TMEM244: variants seen among roughly 807,000 people sequenced by gnomAD.
TMEM244 encodes putative transmembrane protein 244.
Under a neutral mutation model 15.8 loss-of-function variants are expected in TMEM244, and 13 were observed. The observed-to-expected ratio is 0.82, with a 90% CI of 0.53 to 1.30. TMEM244 has a LOEUF of 1.30. TMEM244 is among the 50% of genes most tolerant of loss of function. The probability of loss-of-function intolerance (pLI) is 0.00; values close to 1 mark genes in which losing one functional copy is unlikely to be tolerated. For missense variants in TMEM244, 161 were observed against 144.9 expected, an observed-to-expected ratio of 1.11 and a Z score of -0.57; for synonymous variants, 45 against 48.7, an observed-to-expected ratio of 0.92 and a Z score of 0.32.
intron 2 of TMEM244, among the ~76,000 whole-genome samples, chr6:129,844,443 C>T (rs1776535548): frequency 1.3e-5 from 2 of 152,182 alleles, no homozygotes; most frequent in Admixed American, 6.5e-5. Context: ...GTCACCTAAC[C>T]TCTCTGGGCT....
intron 2 of TMEM244, among the ~76,000 whole-genome samples, chr6:129,844,033 G>A (rs1776528717): frequency 6.6e-6 from 1 of 152,050 alleles, no homozygotes; most frequent in South Asian, 2.1e-4. Flanking sequence ...GTAGCAGTTA[G>A]AATAAATTAA....
intron 3 of TMEM244, among the ~76,000 whole-genome samples, chr6:129,836,360 A>G (rs1443961659): frequency 2.0e-5 from 3 of 152,192 alleles, no homozygotes; most frequent in Admixed American, 2.0e-4. Context: ...ACAAACAGAA[A>G]AAAATAGCAA....
At chr6:129,845,003 C>A (rs760142929) in intron 2 of TMEM244, among the ~76,000 whole-genome samples, 1 of 152,138 alleles carries the variant, frequency 6.6e-6, no homozygotes, top group Non-Finnish European at 1.5e-5. Context: ...CAGCCAAAAT[C>A]TGTAGAGACA....
At chr6:129,840,872 A>T (rs1440391906) in intron 3 of TMEM244, among the ~76,000 whole-genome samples, 2 of 152,204 alleles carry the variant, frequency 1.3e-5, no homozygotes, top group African/African-American at 4.8e-5. Flanking sequence ...AACCACAATG[A>T]GATACCATCT....
intron 4 of TMEM244, among the ~76,000 whole-genome samples, chr6:129,832,708 G>A (rs1255467539): frequency 1.3e-5 from 2 of 152,064 alleles, no homozygotes; most frequent in Non-Finnish European, 1.5e-5. Flanking sequence ...CCATTTTGTA[G>A]AGAAGGAAAC....
chr6:129,840,109 C>A (rs1351277174), intron 3 of TMEM244, among the ~76,000 whole-genome samples: 1 of 152,180 alleles, frequency 6.6e-6, no homozygotes, highest in Non-Finnish European at 1.5e-5. Context: ...CAAAAAAGAG[C>A]CCACATAGCC....
intron 2 of TMEM244, among the ~76,000 whole-genome samples, chr6:129,845,416 C>T (rs1231813036): frequency 6.6e-6 from 1 of 152,182 alleles, no homozygotes; most frequent in Admixed American, 6.5e-5. Flanking sequence ...CTAAGTGATT[C>T]TATCCACTTC....
rs969617443 is a variant in TMEM244, at chr6:129,861,199, T to C, written c.-11A>G. 1.9e-6 allele frequency: 3 copies of C among 1,613,548 alleles called. No individual in the cohort carries two copies. The highest frequency in any genetic ancestry group is 1.1e-5 in the South Asian group (1 of 91,072). On this transcript the variant is annotated 5_prime_UTR_variant, in exon 1 of 5. Transcript: ENST00000368143. Reference sequence around the variant, plus strand: ...GACCTGGAGAGCCATGTACACATCCTACGTCAAGGAGGTGATGAAAGCCCC... The same window carrying C: ...GACCTGGAGAGCCATGTACACATCCCACGTCAAGGAGGTGATGAAAGCCCC...
At position 129,850,976 on chromosome 6, in the gene TMEM244, T is replaced by C. The variant is rs1330999913; in HGVS notation, c.34-5124A>G. Among the ~76,000 whole-genome samples, 5 of 152,194 alleles carry C rather than the reference T, an allele frequency of 3.3e-5. No individual in the cohort carries two copies. In the East Asian group the frequency reaches 7.7e-4, roughly 23 times the overall value. ...ATAGTCTAACTATATTGACTCTTTATTGAAGGATTCCTATGTGACCATCAC... is the reference window on the plus strand; with the variant it reads ...ATAGTCTAACTATATTGACTCTTTACTGAAGGATTCCTATGTGACCATCAC... On this transcript the variant is annotated intron_variant, in intron 1 of 4. Coordinates refer to ENST00000368143, the MANE Select transcript of TMEM244 (RefSeq NM_001010876.2).
Position 129,845,821 on chromosome 6 carries a change from A to G in TMEM244, c.65T>C (p.Ile22Thr), listed in dbSNP as rs961016291. 3.7e-6 allele frequency: 6 copies of G among 1,613,420 alleles called. No homozygotes were observed. The highest frequency in any genetic ancestry group is 8.5e-7 in the Non-Finnish European group (1 of 1,179,788). The change falls in exon 2 of 5, where the codon ATT becomes ACT. Residue 22 changes from isoleucine to threonine, a missense_variant. Ile to Thr is a moderately conservative substitution (Grantham distance 89). Coordinates refer to ENST00000368143, the MANE Select transcript of TMEM244 (RefSeq NM_001010876.2). ...VVLQKFLLCVILFYTVYYVSL... is the reference protein window; with the variant it reads ...VVLQKFLLCVTLFYTVYYVSL... ...CACATAGTACACAGTGTAGAAAAGA[A>G]TGACACATAGAAGAAACTTCTGCAA... is the stretch of plus-strand genomic sequence containing the variant.
intron 3 of TMEM244, among the ~76,000 whole-genome samples, chr6:129,842,665 A>G (rs1776508676): frequency 6.6e-6 from 1 of 152,102 alleles, no homozygotes; most frequent in Non-Finnish European, 1.5e-5. Context: ...ACAAAATATT[A>G]AGAGTAATTA....
At chr6:129,847,133 G>T (rs1382988460) in intron 1 of TMEM244, among the ~76,000 whole-genome samples, 1 of 152,028 alleles carries the variant, frequency 6.6e-6, no homozygotes, top group South Asian at 2.1e-4. Flanking sequence ...ATAGAAAAAT[G>T]GACAAAGTAT....
At chr6:129,861,107 G>A in intron 1 of TMEM244, 49 bp downstream of exon 1, 1 of 1,605,882 alleles carries the variant, frequency 6.2e-7, no homozygotes, top group Non-Finnish European at 8.5e-7. Flanking sequence ...ATTTACACCA[G>A]TGCTAGGCAG....
rs1776358476 is a variant in TMEM244 at position 129,833,450 on chromosome 6, T to G, written c.319+10A>C. The G allele has an allele frequency of 7.5e-6, 12 of 1,605,862 alleles. No homozygotes were observed. The highest frequency in any genetic ancestry group is 1.0e-5 in the Non-Finnish European group (12 of 1,177,568). On this transcript the variant is annotated intron_variant, in intron 4 of 4. Transcript: ENST00000368143. ...CATTTTCCTTGTTTCTGTTATTTTA[T>G]TCTGCTTACCAGTTGAAGTGATGGC...
rs555351834 is a variant in TMEM244, at chr6:129,858,911, A to G, written c.33+2245T>C. Among the ~76,000 whole-genome samples the G allele has an allele frequency of 2.6e-5, 4 of 152,140 alleles. No individual in the cohort carries two copies. The South Asian group carries it at 8.3e-4, about 32-fold the overall frequency. On this transcript the variant is annotated intron_variant, in intron 1 of 4. Coordinates refer to ENST00000368143, the MANE Select transcript of TMEM244 (RefSeq NM_001010876.2). ...CGGCTTCAAGGAATTCTCTTGCCTC[A>G]GCCTCCCTGAGTAGCTGGGACTACA...
intron 1 of TMEM244, among the ~76,000 whole-genome samples, chr6:129,853,404 C>T (rs146577516): frequency 2.6e-5 from 4 of 152,202 alleles, no homozygotes; most frequent in East Asian, 1.9e-4. Flanking sequence ...TCTCTTTCTC[C>T]GTATAATATT....
intron 1 of TMEM244, among the ~76,000 whole-genome samples, chr6:129,857,963 G>A (rs72993270): frequency 0.062 from 9,365 of 151,838 alleles, 400 homozygotes; most frequent in Non-Finnish European, 0.09. Context: ...CAGTTTTAGC[G>A]TCTATGAAGA....
Position 129,843,416 on chromosome 6 carries a change from T to C in TMEM244, c.193+114A>G, listed in dbSNP as rs774201453. 6.6e-4 allele frequency: 405 copies of C among 611,774 alleles called. 1 individual carries two copies. The highest frequency in any genetic ancestry group is 9.9e-4 in the Non-Finnish European group (367 of 371,464). 37.9% of individuals were successfully genotyped at this position (611,774 alleles called of 1,614,324 possible). A position where few individuals can be genotyped will look rare whatever the true frequency, so the allele number is the denominator to read the frequency against. ...AATTAATTTTTGAAATCAGATAAAA[T>C]ACATAGATGACTGCGAGACAGGCCT... On this transcript the variant is annotated intron_variant, in intron 3 of 4. Coordinates refer to ENST00000368143, the MANE Select transcript of TMEM244 (RefSeq NM_001010876.2).
At chr6:129,833,950 G>A (rs1584179385) in intron 3 of TMEM244, among the ~76,000 whole-genome samples, 1 of 151,970 alleles carries the variant, frequency 6.6e-6, no homozygotes, top group African/African-American at 2.4e-5. Context: ...ATCCAGTTCT[G>A]AGTTTTAAGA....
Sources: gnomAD v4.1 joint callset for allele counts (sites outside exome capture counted in the v4.1 genomes callset) on GRCh38, gnomAD v4.1.1 for gene constraint, MANE v1.5 for transcripts, NCBI Gene and HGNC (gene_info 2026-07-23, HGNC 2026-07-21) for gene names.